The following POU2F2 variants were observed in gnomAD, a reference collection of about 807,000 sequenced individuals.
POU2F2 encodes POU class 2 homeobox 2.
Under a neutral mutation model 63.5 loss-of-function variants are expected in POU2F2, and 14 were observed. That is an observed-to-expected ratio of 0.22 (90% CI 0.15 to 0.34). The LOEUF is 0.34. Among genes scored for constraint, POU2F2 ranks in the 10% least tolerant of loss-of-function variants. The probability of loss-of-function intolerance (pLI) is 1.00; values close to 1 mark genes in which losing one functional copy is unlikely to be tolerated. For synonymous variants in POU2F2, 306 were observed against 348.6 expected (o/e 0.88, Z 1.36); for missense variants, 607 against 815.2 (o/e 0.74, Z 3.11).
In POU2F2 at chr19:42,092,987, G is replaced by GTATATATATA. The variant is rs56158047; in HGVS notation, c.1265-727_1265-718dup. Among the ~76,000 whole-genome samples the GTATATATATA allele has an allele frequency of 9.7e-5, 9 of 92,908 alleles. No individual in the cohort carries two copies. Among genetic ancestry groups the GTATATATATA allele is most frequent in the African/African-American group, 4.6e-4 (9 of 19,564 alleles). The allele number at this position is 92,908 out of a possible 152,430, so 61.0% of individuals were successfully genotyped here. A position where few individuals can be genotyped will look rare whatever the true frequency, so the allele number is the denominator to read the frequency against. On this transcript the variant is annotated intron_variant, in intron 12 of 14. Coordinates refer to ENST00000692977, the MANE Select transcript of POU2F2 (RefSeq NM_001394376.1). The surrounding 1 kb of genome is among the most constrained non-coding windows in gnomAD (Gnocchi z 5.0). The stretch of plus-strand genomic sequence containing the variant: ...ATGCATATATATATTATGTGTGTGT[G>GTATATATATA]TATATATATATATATATATATATTT...
At position 42,099,721 on chromosome 19, in the gene POU2F2, T is replaced by C. The variant is rs774648271; in HGVS notation, c.470A>G (p.Gln157Arg). Reference sequence around the variant, plus strand: ...ATCTGGGGTGGGGGCCTTACCTGGCTGGCTCTGCTGGGCCTGCGGTAGCAG... The same window carrying C: ...ATCTGGGGTGGGGGCCTTACCTGGCCGGCTCTGCTGGGCCTGCGGTAGCAG... ...QFLLPQAQQS[Q>R]PGLLPTPNLF... Residue 157 changes from glutamine to arginine, a missense_variant, in exon 6 of 15, where the codon CAG becomes CGG. Transcript: ENST00000692977. 6.3e-7 allele frequency: 1 copy of C among 1,594,700 alleles called. No homozygotes were observed. Among genetic ancestry groups the C allele is most frequent in the African/African-American group, 1.3e-5 (1 of 74,490 alleles).
At chr19:42,099,684 G>A (rs748276586) in intron 6 of POU2F2, 32 bp downstream of exon 6, 36 of 1,600,988 alleles carry the variant, frequency 2.2e-5, no homozygotes, top group South Asian at 1.7e-4. Context: ...CTGTGGAGGC[G>A]TCAGGGAGGC....
intron 1 of POU2F2, among the ~76,000 whole-genome samples, chr19:42,172,525 C>G (rs1192885974): frequency 6.6e-6 from 1 of 152,196 alleles, no homozygotes; most frequent in Non-Finnish European, 1.5e-5. Flanking sequence ...GGAAAGCTGC[C>G]TGTCCCGAGG....
At chr19:42,124,924 C>T (rs1186708504) in intron 1 of POU2F2, among the ~76,000 whole-genome samples, 1 of 152,150 alleles carries the variant, frequency 6.6e-6, no homozygotes, top group Non-Finnish European at 1.5e-5. Context: ...TGGGAAAGGG[C>T]ATGAGGAAGC....
chr19:42,095,898 T>G lies in POU2F2; in HGVS notation c.761A>C (p.Tyr254Ser). The G allele has an allele frequency of 6.2e-7, 1 of 1,613,818 alleles. No individual in the cohort carries two copies. Among genetic ancestry groups the G allele is most frequent in the Non-Finnish European group, 8.5e-7 (1 of 1,179,814 alleles). ...GDVGLAMGKL[Y>S]GNDFSQTTIS... is the part of the protein sequence containing the mutation. ...GGTCGTCTGGCTGAAGTCGTTGCCG[T>G]AGAGCTTGCCCATGGCCAGGCCCAC... is the stretch of plus-strand genomic sequence containing the variant. The change falls in exon 9 of 15, where the codon TAC (tyrosine) becomes TCC (serine). Residue 254 changes from tyrosine to serine, a missense_variant. By Grantham distance (144) the Tyr-to-Ser change is moderately radical. This residue lies in a region of POU2F2 where 25 missense variants were observed against 92.3 expected (regional missense o/e 0.27). Transcript: ENST00000692977. The surrounding 1 kb of genome is among the most constrained non-coding windows in gnomAD (Gnocchi z 7.1).
rs576638857 is a variant in POU2F2 at position 42,121,533 on chromosome 19, G to A, written c.186+593C>T. Among the ~76,000 whole-genome samples the A allele has an allele frequency of 4.6e-5, 7 of 152,224 alleles. No individual in the cohort carries two copies. The East Asian group carries it at 1.4e-3, about 29-fold the overall frequency. On this transcript the variant is annotated intron_variant, in intron 4 of 14. Transcript: ENST00000692977. The stretch of plus-strand genomic sequence containing the variant: ...CTCAGCCACCACTGGTCAGGGTCTG[G>A]AGTCCTGCTCACACCTTCTCTGCCC...
At chr19:42,100,786 GACCAGGTCT>G (rs1190082107) in intron 5 of POU2F2, among the ~76,000 whole-genome samples, 1 of 151,172 alleles carries the variant, frequency 6.6e-6, no homozygotes, top group African/African-American at 2.4e-5. Flanking sequence ...TTGTAAACCA[GACCAGGTCT>G]TTCCTCCTTT....
Position 42,132,405 on chromosome 19 carries a change from G to C in POU2F2, c.7C>G (p.His3Asp). 1 of 1,540,218 alleles carries C rather than the reference G, an allele frequency of 6.5e-7. No individual in the cohort carries two copies. ...TTACCTGGAGCCCCCATGCTGGAGT[G>C]AACCATGCTGCCCGCCCCGCCAGGG... is the stretch of plus-strand genomic sequence containing the variant. MV[H>D]SSMGAPEIRM... The change falls in exon 1 of 15, where the codon CAC (histidine) becomes GAC (aspartate). Residue 3 changes from histidine to aspartate, a missense_variant. Physicochemically the swap from His to Asp is moderately conservative, Grantham distance 81. This residue lies in a region of POU2F2 where 224 missense variants were observed against 264.3 expected (regional missense o/e 0.85). Coordinates refer to ENST00000692977, the MANE Select transcript of POU2F2 (RefSeq NM_001394376.1).
chr19:42,099,650 G>C (rs560481447), intron 6 of POU2F2, 32 bp from the exon 7 acceptor site: 6 of 1,606,026 alleles, frequency 3.7e-6, no homozygotes, highest in African/African-American at 2.7e-5. Flanking sequence ...CACAGGGTGA[G>C]GGGGAGGGGA....
At position 42,090,970 on chromosome 19, in the gene POU2F2, GTT is replaced by G. The variant is rs750309216; in HGVS notation, c.*285_*286del. On this transcript the variant is annotated 3_prime_UTR_variant, in exon 15 of 15. Coordinates refer to ENST00000692977, the MANE Select transcript of POU2F2 (RefSeq NM_001394376.1). The surrounding 1 kb of genome is among the most constrained non-coding windows in gnomAD (Gnocchi z 4.4). ...TTTTTTGGTTTGTTTGATTTTGTGG[GTT>G]TTTTTTTTTTTTGGTTTGTTTTTGG... is the stretch of plus-strand genomic sequence containing the variant. The G allele has an allele frequency of 9.6e-4, 196 of 204,910 alleles. No individual in the cohort carries two copies. The highest frequency in any genetic ancestry group is 1.5e-3 in the Middle Eastern group (1 of 650). The allele number at this position is 204,910 out of a possible 1,614,324, so 12.7% of individuals were successfully genotyped here.
rs555577571 is a variant in POU2F2, at chr19:42,089,053, G to C, written c.*2204C>G. 1 of 152,680 alleles carries C rather than the reference G, an allele frequency of 6.5e-6. No individual in the cohort carries two copies. The highest frequency in any genetic ancestry group is 1.5e-5 in the Non-Finnish European group (1 of 68,080). 9.5% of individuals were successfully genotyped at this position (152,680 alleles called of 1,614,324 possible). The stretch of plus-strand genomic sequence containing the variant: ...GAAGCTGCCCAGGCCAAAGCCCTGC[G>C]GTCTCAGGGCTCTCCTCTCTCTCTG... On this transcript the variant is annotated 3_prime_UTR_variant, in exon 15 of 15. Coordinates refer to ENST00000692977, the MANE Select transcript of POU2F2 (RefSeq NM_001394376.1).
At chr19:42,106,836 G>A (rs932904870) in intron 5 of POU2F2, among the ~76,000 whole-genome samples, 6 of 150,810 alleles carry the variant, frequency 4.0e-5, no homozygotes, top group Admixed American at 2.6e-4. Flanking sequence ...GGAGGAGGAG[G>A]AGCAGGAGGA....
intron 1 of POU2F2, among the ~76,000 whole-genome samples, chr19:42,127,635 C>T (rs2033329386): frequency 6.6e-6 from 1 of 152,104 alleles, no homozygotes; most frequent in African/African-American, 2.4e-5. Context: ...CCCACCTCAG[C>T]CTCCCAAAAT....
chr19:42,164,241 G>A (rs964744589), intron 1 of POU2F2, among the ~76,000 whole-genome samples: 33 of 149,928 alleles, frequency 2.2e-4, no homozygotes, highest in Non-Finnish European at 5.9e-5. Context: ...GCAGTGAGCT[G>A]AGATTGCGCC....
chr19:42,093,018 T>A (rs1188616181), intron 12 of POU2F2, among the ~76,000 whole-genome samples: 21 of 138,364 alleles, frequency 1.5e-4, no homozygotes, highest in African/African-American at 5.6e-4. Context: ...TATTTTTTTT[T>A]TTTTTTTTTT....
intron 1 of POU2F2, among the ~76,000 whole-genome samples, chr19:42,129,163 C>T (rs2033475219): frequency 6.6e-6 from 1 of 152,088 alleles, no homozygotes; most frequent in South Asian, 2.1e-4. Flanking sequence ...TGCTCCATCC[C>T]CTGGCACCTT....
At chr19:42,111,025 C>T (rs2030998042) in intron 5 of POU2F2, among the ~76,000 whole-genome samples, 1 of 152,216 alleles carries the variant, frequency 6.6e-6, no homozygotes, top group Non-Finnish European at 1.5e-5. Context: ...CTCATGTCAC[C>T]ACACTTGAAT....
At position 42,169,757 on chromosome 19, in the gene POU2F2, C is replaced by T. The variant is rs112861839; in HGVS notation, c.-70+6206G>A. ...GAGTGCGCGCACACGTGTGTGTGTG[C>T]GTGTGTGTGTGTGTCGGGGTGATAT... On this transcript the variant is annotated intron_variant, in intron 1 of 6. Transcript: ENST00000524801. The surrounding 1 kb of genome is among the most constrained non-coding windows in gnomAD (Gnocchi z 4.3). Among the ~76,000 whole-genome samples, 425 of 151,492 alleles carry T rather than the reference C, an allele frequency of 2.8e-3. 4 individuals carry two copies. Among genetic ancestry groups the T allele is most frequent in the African/African-American group, 7.9e-3 (325 of 41,318 alleles).
rs2034726211 is a variant in POU2F2, at chr19:42,169,920, G to C, written c.-70+6043C>G. Among the ~76,000 whole-genome samples the C allele has an allele frequency of 6.6e-6, 1 of 152,074 alleles. No homozygotes were observed. The highest frequency in any genetic ancestry group is 2.1e-4 in the South Asian group (1 of 4,814). On this transcript the variant is annotated intron_variant, in intron 1 of 6. Coordinates refer to the POU2F2 transcript ENST00000524801. The surrounding 1 kb of genome is among the most constrained non-coding windows in gnomAD (Gnocchi z 4.3). The stretch of plus-strand genomic sequence containing the variant: ...TCATATGTGCCTTGCAGATGGGGAG[G>C]GGGCCGGGGTGTCAGCGAGCTCCTG...
Sources: allele counts gnomAD v4.1 joint callset (sites outside exome capture counted in the v4.1 genomes callset), GRCh38; gene constraint gnomAD v4.1.1; regional missense constraint gnomAD v4.1.1; non-coding constraint Gnocchi (gnomAD v3.1); transcripts MANE v1.5; gene names NCBI Gene and HGNC (gene_info 2026-07-23, HGNC 2026-07-21).